Variants in ARK2C observed in about 807,000 individuals in gnomAD.
ARK2C encodes E3 ubiquitin-protein ligase ARK2C.
At chr18:46,394,349 C>T in the ARK2C span, among the ~76,000 whole-genome samples, 450 of 152,326 alleles carry the variant, frequency 3.0e-3, 4 homozygotes, top group Middle Eastern at 0.051. Flanking sequence ...GAGCTCCCTC[C>T]TTCTAGCTTG....
the ARK2C span, among the ~76,000 whole-genome samples, chr18:46,341,010 G>A: frequency 6.6e-6 from 1 of 152,290 alleles, no homozygotes; most frequent in East Asian, 1.9e-4. Flanking sequence ...CAGAAAGTAC[G>A]TAGCAGGAGG....
chr18:46,383,835 G>A, the ARK2C span, among the ~76,000 whole-genome samples: 29 of 151,832 alleles, frequency 1.9e-4, no homozygotes, highest in East Asian at 3.1e-3. Context: ...ACAGGCGTGA[G>A]CCACCGCGCC....
chr18:46,369,434 G>A, the ARK2C span, among the ~76,000 whole-genome samples: 113 of 152,206 alleles, frequency 7.4e-4, no homozygotes, highest in Non-Finnish European at 1.2e-3. Context: ...TGATTGACTC[G>A]GGAAGAAGAG....
chr18:46,363,729 C>T, the ARK2C span, among the ~76,000 whole-genome samples: 1 of 152,196 alleles, frequency 6.6e-6, no homozygotes, highest in South Asian at 2.1e-4. Flanking sequence ...GCCTTGTAGT[C>T]CCAGCTGACT....
chr18:46,434,856 G>A, the ARK2C span, among the ~76,000 whole-genome samples: 1 of 152,156 alleles, frequency 6.6e-6, no homozygotes, highest in Non-Finnish European at 1.5e-5. Flanking sequence ...CATGAAAGCT[G>A]GGAAGAGTGT....
At chr18:46,398,623 T>G in the ARK2C span, among the ~76,000 whole-genome samples, 1 of 151,966 alleles carries the variant, frequency 6.6e-6, no homozygotes, top group Non-Finnish European at 1.5e-5. Flanking sequence ...GGAGTTGGGC[T>G]GACACCATGG....
At chr18:46,406,181 G>A in the ARK2C span, among the ~76,000 whole-genome samples, 58 of 152,078 alleles carry the variant, frequency 3.8e-4, no homozygotes, top group South Asian at 3.1e-3. Context: ...CCCCCAATAC[G>A]CCTGCATCCA....
the ARK2C span, among the ~76,000 whole-genome samples, chr18:46,344,281 G>A: frequency 1.5e-4 from 23 of 152,296 alleles, no homozygotes; most frequent in South Asian, 1.5e-3. Context: ...GGCAGGAAGC[G>A]TTGGAACAGC....
the ARK2C span, among the ~76,000 whole-genome samples, chr18:46,372,872 C>T: frequency 7.2e-5 from 11 of 152,344 alleles, no homozygotes; most frequent in East Asian, 7.7e-4. Flanking sequence ...AAGCCTCCCG[C>T]GGCACAGGAA....
the ARK2C span, among the ~76,000 whole-genome samples, chr18:46,397,489 GGT>G: frequency 2.3e-4 from 23 of 101,966 alleles, 1 homozygote; most frequent in Admixed American, 3.7e-4. Context: ...GAGGTGTGAG[GGT>G]GTGTGTGTGT....
At chr18:46,360,738 C>T in the ARK2C span, among the ~76,000 whole-genome samples, 27 of 152,266 alleles carry the variant, frequency 1.8e-4, no homozygotes, top group African/African-American at 5.8e-4. Context: ...CCTGCAGGCC[C>T]CCCTTGCCCT....
chr18:46,360,621 G>A, the ARK2C span, among the ~76,000 whole-genome samples: 4 of 152,170 alleles, frequency 2.6e-5, no homozygotes, highest in African/African-American at 7.2e-5. Context: ...AGCCCCAGGC[G>A]AAAGACCCCT....
chr18:46,388,941 T>C, the ARK2C span, among the ~76,000 whole-genome samples: 1 of 152,148 alleles, frequency 6.6e-6, no homozygotes, highest in Non-Finnish European at 1.5e-5. Flanking sequence ...ATGAAGCTCA[T>C]GTACTTAACT....
At chr18:46,384,072 G>A in the ARK2C span, among the ~76,000 whole-genome samples, 3 of 152,212 alleles carry the variant, frequency 2.0e-5, no homozygotes, top group Non-Finnish European at 2.9e-5. Flanking sequence ...GGCAGTCGGG[G>A]TGAAACTGTG....
chr18:46,442,674 C>T, the ARK2C span, among the ~76,000 whole-genome samples: 6 of 152,044 alleles, frequency 3.9e-5, no homozygotes, highest in East Asian at 5.8e-4. Context: ...TCAAGTTAGT[C>T]GACAGTATTG....
At chr18:46,414,777 G>A in the ARK2C span, among the ~76,000 whole-genome samples, 1 of 152,192 alleles carries the variant, frequency 6.6e-6, no homozygotes, top group Non-Finnish European at 1.5e-5. Context: ...CCCCAGTGCG[G>A]AGGGCAGGTT....
At chr18:46,426,182 T>G in the ARK2C span, among the ~76,000 whole-genome samples, 1 of 152,184 alleles carries the variant, frequency 6.6e-6, no homozygotes, top group Non-Finnish European at 1.5e-5. Context: ...TCATCAAGCT[T>G]CCTGACTCCC....
chr18:46,348,109 C>T, the ARK2C span, among the ~76,000 whole-genome samples: 6 of 151,984 alleles, frequency 3.9e-5, no homozygotes, highest in African/African-American at 1.2e-4. Flanking sequence ...TGGGTGTTCT[C>T]TTAGCCTGCG....
the ARK2C span, chr18:46,447,712 C>T: frequency 1.2e-6 from 2 of 1,614,086 alleles, no homozygotes; most frequent in Non-Finnish European, 1.7e-6. Context: ...AGAAGACGGA[C>T]TCCCTTGCGC....
Sources: gnomAD v4.1 joint callset for allele counts (sites outside exome capture counted in the v4.1 genomes callset) on GRCh38, gnomAD v4.1.1 for gene constraint, MANE v1.5 for transcripts, NCBI Gene and HGNC (gene_info 2026-07-23, HGNC 2026-07-21) for gene names.